Variants in PCDH15 observed in about 807,000 individuals in gnomAD.
PCDH15 encodes the protein protocadherin related 15, also known as protocadherin-15.
A neutral mutation model predicts 178.5 loss-of-function variants in PCDH15; 129 were observed. The ratio of observed to expected loss-of-function variants is 0.72; its 90% CI spans 0.63 to 0.84. The LOEUF is 0.84. Among genes scored for constraint, PCDH15 ranks in the 40% least tolerant of loss-of-function variants. The pLI is 0.00. For synonymous variants in PCDH15, 800 were observed against 732.0 expected (o/e 1.09, Z -1.50); for missense variants, 2,230 against 2,099.9 (o/e 1.06, Z -1.21).
intron 2 of PCDH15, among the ~76,000 whole-genome samples, chr10:54,636,221 A>C (rs2134817079): frequency 6.6e-6 from 1 of 152,108 alleles, no homozygotes; most frequent in East Asian, 1.9e-4. Context: ...TTAGCAAATA[A>C]ATGGCGCTTT....
intron 2 of PCDH15, among the ~76,000 whole-genome samples, chr10:55,037,800 T>G (rs1840774600): frequency 6.6e-6 from 1 of 152,212 alleles, no homozygotes; most frequent in Non-Finnish European, 1.5e-5. Flanking sequence ...TCTAATAGTT[T>G]TAGCATTAAG....
intron 3 of PCDH15, among the ~76,000 whole-genome samples, chr10:54,379,608 A>G (rs1236561691): frequency 6.6e-6 from 1 of 152,120 alleles, no homozygotes; most frequent in East Asian, 1.9e-4. Context: ...TGAATTGTAG[A>G]CAGTTTTTGA....
chr10:54,868,438 T>C (rs1953976414), intron 3 of PCDH15, among the ~76,000 whole-genome samples: 1 of 152,110 alleles, frequency 6.6e-6, no homozygotes, highest in Non-Finnish European at 1.5e-5. Context: ...TTCCTTCTTC[T>C]CTTCCTCCTC....
rs2045146 is a variant in PCDH15, at chr10:54,983,386, T to C, written c.-79-85886A>G. Reference sequence around the variant, plus strand: ...GACCAATAGTGTGTAAACCTTGTCATGAAAAAAAATTTTAAATGTATGCTG... The same window carrying C: ...GACCAATAGTGTGTAAACCTTGTCACGAAAAAAAATTTTAAATGTATGCTG... On this transcript the variant is annotated intron_variant, in intron 2 of 5. Transcript: ENST00000458638. 3.2e-4 allele frequency among the ~76,000 whole-genome samples: 48 copies of C among 152,176 alleles called. No homozygotes were observed. In the East Asian group the frequency reaches 8.5e-3, roughly 27 times the overall value.
chr10:54,017,511 CATT>C (rs2092779115), intron 20 of PCDH15, among the ~76,000 whole-genome samples: 1 of 152,080 alleles, frequency 6.6e-6, no homozygotes, highest in South Asian at 2.1e-4. Flanking sequence ...AGCTTGAGGC[CATT>C]ATCCTAAACA....
At chr10:54,516,308 GAAA>G (rs34980665) in intron 3 of PCDH15, among the ~76,000 whole-genome samples, 5 of 151,334 alleles carry the variant, frequency 3.3e-5, no homozygotes, top group East Asian at 2.0e-4. Context: ...TAAAAACTTT[GAAA>G]AAAAAAATTA....
intron 1 of PCDH15, among the ~76,000 whole-genome samples, chr10:54,759,371 C>A (rs1054635216): frequency 1.3e-5 from 2 of 151,954 alleles, no homozygotes; most frequent in African/African-American, 4.8e-5. Context: ...TAAAAATGAA[C>A]AATTTAATAG....
At chr10:54,810,856 T>C (rs992574136) in intron 3 of PCDH15, among the ~76,000 whole-genome samples, 5 of 152,104 alleles carry the variant, frequency 3.3e-5, no homozygotes, top group African/African-American at 1.2e-4. Context: ...AGAAAATAGG[T>C]TTGATTAAAG....
At position 55,199,409 on chromosome 10, in the gene PCDH15, A is replaced by G. The variant is rs1012637795; in HGVS notation, c.-155-32758T>C. Among the ~76,000 whole-genome samples, 4 of 152,088 alleles carry G rather than the reference A, an allele frequency of 2.6e-5. No individual in the cohort carries two copies. In the South Asian group the frequency reaches 6.2e-4, roughly 24 times the overall value. On this transcript the variant is annotated intron_variant, in intron 1 of 5. Coordinates refer to the PCDH15 transcript ENST00000458638. Reference sequence around the variant, plus strand: ...AAATTTCTAAGCAGCAAGGCATTCAATATGTGGCCTGGTTGCTTATAAAAG... The same window carrying G: ...AAATTTCTAAGCAGCAAGGCATTCAGTATGTGGCCTGGTTGCTTATAAAAG...
At chr10:55,522,977 G>A (rs900807496) in intron 2 of PCDH15, among the ~76,000 whole-genome samples, 2 of 151,418 alleles carry the variant, frequency 1.3e-5, no homozygotes, top group Non-Finnish European at 3.0e-5. Flanking sequence ...GTATCTACTT[G>A]AGAATTTTTA....
chr10:55,157,279 G>A (rs1435234487), intron 2 of PCDH15, among the ~76,000 whole-genome samples: 1 of 151,540 alleles, frequency 6.6e-6, no homozygotes, highest in Non-Finnish European at 1.5e-5. Flanking sequence ...CAGTTAGAAT[G>A]GTGATCATTA....
chr10:54,350,059 C>A (rs1308093279), intron 5 of PCDH15, among the ~76,000 whole-genome samples: 1 of 152,062 alleles, frequency 6.6e-6, no homozygotes, highest in African/African-American at 2.4e-5. Flanking sequence ...ATAGAGAAAA[C>A]CTTTTTTCTA....
At chr10:53,835,645 G>A (rs932757243) in intron 29 of PCDH15, among the ~76,000 whole-genome samples, 2 of 152,112 alleles carry the variant, frequency 1.3e-5, no homozygotes, top group African/African-American at 2.4e-5. Flanking sequence ...GGCTGGGCAC[G>A]GTGGCTTATG....
At position 54,617,817 on chromosome 10, in the gene PCDH15, T is replaced by C. The variant is rs145296119; in HGVS notation, c.91+46355A>G. On this transcript the variant is annotated intron_variant, in intron 2 of 37. Transcript: ENST00000644397. ...GGCGGGCACCTATAATCTCAGCTAC[T>C]TGGGAGGCTGAGGCAGAGAATTTCT... Among the ~76,000 whole-genome samples the C allele has an allele frequency of 2.5e-3, 375 of 149,190 alleles. 2 individuals are homozygous for C. The highest frequency in any genetic ancestry group is 8.5e-3 in the African/African-American group (346 of 40,486).
chr10:54,314,963 G>C (rs1247569703), intron 8 of PCDH15, among the ~76,000 whole-genome samples: 1 of 152,100 alleles, frequency 6.6e-6, no homozygotes, highest in Non-Finnish European at 1.5e-5. Flanking sequence ...TTGACTCCAT[G>C]TCTTTGCTAT....
At chr10:55,066,119 T>G in intron 2 of PCDH15, among the ~76,000 whole-genome samples, 1 of 151,964 alleles carries the variant, frequency 6.6e-6, no homozygotes, top group East Asian at 1.9e-4. Context: ...AATTGTCAGC[T>G]TATTATATTT....
At chr10:54,430,334 C>T (rs535819962) in intron 3 of PCDH15, among the ~76,000 whole-genome samples, 3 of 152,164 alleles carry the variant, frequency 2.0e-5, no homozygotes, top group Admixed American at 1.3e-4. Flanking sequence ...GGATTACAGG[C>T]GTGAGCCACC....
At chr10:54,470,478 A>T (rs534388069) in intron 3 of PCDH15, among the ~76,000 whole-genome samples, 17 of 152,152 alleles carry the variant, frequency 1.1e-4, no homozygotes, top group South Asian at 6.2e-4. Context: ...ACTGGTGGGG[A>T]CTGGGCTCTC....
intron 1 of PCDH15, among the ~76,000 whole-genome samples, chr10:54,765,644 G>T (rs1284571738): frequency 6.6e-6 from 1 of 152,044 alleles, no homozygotes; most frequent in Non-Finnish European, 1.5e-5. Context: ...TCTACAATGT[G>T]CCATTCTTTA....
Sources: gnomAD v4.1 joint callset for allele counts (sites outside exome capture counted in the v4.1 genomes callset) on GRCh38, gnomAD v4.1.1 for gene constraint, MANE v1.5 for transcripts, NCBI Gene and HGNC (gene_info 2026-07-23, HGNC 2026-07-21) for gene names.